The following RRP15 variants were observed in gnomAD, a reference collection of about 807,000 sequenced individuals.
The protein encoded by RRP15 is RRP15-like protein.
Under a neutral mutation model 27.1 loss-of-function variants are expected in RRP15, and 18 were observed. The observed-to-expected ratio is 0.66, with a 90% CI of 0.46 to 0.98. RRP15 has a LOEUF of 0.98. RRP15 is among the 50% of genes least tolerant of loss of function. The pLI, the probability that RRP15 is intolerant of heterozygous loss-of-function variation, is 0.00. For missense variants in RRP15, 359 were observed against 337.8 expected (o/e 1.06, Z -0.49); for synonymous variants, 107 against 109.4 (o/e 0.98, Z 0.14).
intron 1 of RRP15, chr1:218,301,957 G>C (rs914941607): frequency 8.6e-6 from 2 of 231,374 alleles, no homozygotes; most frequent in African/African-American, 4.5e-5. Flanking sequence ...TTGTGTACTT[G>C]AATATACCTT....
chr1:218,307,669 T>G (rs749111339), intron 4 of RRP15, 37 bp downstream of exon 4: 31 of 1,415,266 alleles, frequency 2.2e-5, no homozygotes, highest in Non-Finnish European at 3.1e-5. Flanking sequence ...GTATCAGACT[T>G]TCAGCTCTAA....
intron 1 of RRP15, among the ~76,000 whole-genome samples, chr1:218,299,825 T>C (rs1306752521): frequency 6.6e-6 from 1 of 152,200 alleles, no homozygotes; most frequent in African/African-American, 2.4e-5. Flanking sequence ...AATACAGTTT[T>C]CAGCTAACTA....
intron 3 of RRP15, among the ~76,000 whole-genome samples, chr1:218,305,410 G>A (rs1398934261): frequency 6.6e-6 from 1 of 151,958 alleles, no homozygotes; most frequent in African/African-American, 2.4e-5. Flanking sequence ...CTCTTATGAT[G>A]CTTGTCTAAA....
rs1008886330 is a variant in RRP15, at chr1:218,307,759, C to T, written c.705+127C>T. On this transcript the variant is annotated intron_variant, in intron 4 of 4. Transcript: ENST00000366932. The stretch of plus-strand genomic sequence containing the variant: ...TTCCTAAATTTTATTAAAATTCCTC[C>T]ATGCCCGCAACCTTTAGAGATAGGG... 1.4e-4 allele frequency: 91 copies of T among 672,024 alleles called. 2 individuals carry two copies. The South Asian group carries it at 1.5e-3, about 11-fold the overall frequency. 41.6% of individuals were successfully genotyped at this position (672,024 alleles called of 1,614,324 possible).
At chr1:218,330,318 A>G (rs1656345756) in intron 4 of RRP15, among the ~76,000 whole-genome samples, 1 of 152,166 alleles carries the variant, frequency 6.6e-6, no homozygotes, top group African/African-American at 2.4e-5. Context: ...ACTACCTATT[A>G]TGTTTATTGC....
chr1:218,311,856 A>G (rs1038404343), intron 4 of RRP15, among the ~76,000 whole-genome samples: 3 of 152,238 alleles, frequency 2.0e-5, no homozygotes, highest in African/African-American at 7.2e-5. Flanking sequence ...AGATGCAGTT[A>G]AATTAATGAT....
At chr1:218,330,172 G>A (rs1309972054) in intron 4 of RRP15, among the ~76,000 whole-genome samples, 1 of 152,020 alleles carries the variant, frequency 6.6e-6, no homozygotes, top group East Asian at 1.9e-4. Context: ...ATAAATATTT[G>A]TGGAAGGAAT....
chr1:218,296,976 C>G (rs1370171044), intron 1 of RRP15, among the ~76,000 whole-genome samples: 1 of 152,176 alleles, frequency 6.6e-6, no homozygotes, highest in Non-Finnish European at 1.5e-5. Flanking sequence ...GGATCTCTGT[C>G]TGTCCTCTGA....
At chr1:218,312,096 G>A (rs1345669264) in intron 4 of RRP15, among the ~76,000 whole-genome samples, 4 of 152,170 alleles carry the variant, frequency 2.6e-5, no homozygotes, top group Non-Finnish European at 4.4e-5. Context: ...GAGGGAGTGA[G>A]GCTTTGCCAG....
chr1:218,296,000 G>C (rs1474619129), intron 1 of RRP15, among the ~76,000 whole-genome samples: 1 of 152,114 alleles, frequency 6.6e-6, no homozygotes, highest in Non-Finnish European at 1.5e-5. Context: ...GAGCAGAACA[G>C]ATGATTTACA....
chr1:218,325,785 A>AT (rs1235405847), intron 4 of RRP15, among the ~76,000 whole-genome samples: 4 of 151,762 alleles, frequency 2.6e-5, no homozygotes, highest in Non-Finnish European at 5.9e-5. Context: ...CCTCCTGTAC[A>AT]TTTTTTCTCT....
At chr1:218,290,831 GTGTT>G (rs1381793896) in intron 1 of RRP15, among the ~76,000 whole-genome samples, 1 of 152,160 alleles carries the variant, frequency 6.6e-6, no homozygotes, top group Non-Finnish European at 1.5e-5. Flanking sequence ...CAGAAAGAAA[GTGTT>G]TGATTTTCCT....
chr1:218,295,217 C>T (rs868753358), intron 1 of RRP15, among the ~76,000 whole-genome samples: 1 of 152,144 alleles, frequency 6.6e-6, no homozygotes, highest in Middle Eastern at 3.4e-3. Flanking sequence ...AGATGATAGC[C>T]CCTACCTCTG....
At chr1:218,319,492 A>C (rs1163636423) in intron 4 of RRP15, among the ~76,000 whole-genome samples, 2 of 152,202 alleles carry the variant, frequency 1.3e-5, no homozygotes, top group Non-Finnish European at 2.9e-5. Context: ...AAACTGGCTC[A>C]TGTGTCCTTT....
intron 1 of RRP15, among the ~76,000 whole-genome samples, chr1:218,295,885 G>A (rs1383062544): frequency 6.6e-6 from 1 of 152,002 alleles, no homozygotes; most frequent in Non-Finnish European, 1.5e-5. Context: ...ATGGAAACCT[G>A]GGATGACTTC....
chr1:218,326,467 A>G (rs575498845), intron 4 of RRP15, among the ~76,000 whole-genome samples: 1 of 152,100 alleles, frequency 6.6e-6, no homozygotes, highest in South Asian at 2.1e-4. Flanking sequence ...TTGTGTTTGC[A>G]TTGTTCTCTT....
chr1:218,288,957 T>C (rs915764444), intron 1 of RRP15, among the ~76,000 whole-genome samples: 14 of 152,234 alleles, frequency 9.2e-5, no homozygotes, highest in African/African-American at 3.1e-4. Flanking sequence ...GTGATGGTAC[T>C]ACCTTTCAGA....
chr1:218,303,863 A>G (rs988729273), intron 2 of RRP15, among the ~76,000 whole-genome samples: 1 of 152,242 alleles, frequency 6.6e-6, no homozygotes, highest in Admixed American at 6.5e-5. Context: ...GTTTTCCAAT[A>G]TATCAGCTAC....
At position 218,334,882 on chromosome 1, in the gene RRP15, T is replaced by C. The variant is rs1656426235; in HGVS notation, c.*3791T>C. On this transcript the variant is annotated 3_prime_UTR_variant, in exon 5 of 5. Coordinates refer to ENST00000366932, the MANE Select transcript of RRP15 (RefSeq NM_016052.4). The stretch of plus-strand genomic sequence containing the variant: ...GGAGTCTGAATTTTGGCCAGCTGGG[T>C]ATTTGAATCTTACTGACTGTTGCAG... 1 of 152,192 alleles carries C rather than the reference T, an allele frequency of 6.6e-6. No individual in the cohort carries two copies. Among genetic ancestry groups the C allele is most frequent in the South Asian group, 2.1e-4 (1 of 4,832 alleles). The allele number at this position is 152,192 out of a possible 1,614,324, so 9.4% of individuals were successfully genotyped here.
Sources: allele counts gnomAD v4.1 joint callset (sites outside exome capture counted in the v4.1 genomes callset), GRCh38; gene constraint gnomAD v4.1.1; transcripts MANE v1.5; gene names NCBI Gene and HGNC (gene_info 2026-07-23, HGNC 2026-07-21).